The following THNSL1 variants were observed in gnomAD, a reference collection of about 807,000 sequenced individuals.
THNSL1 encodes the protein threonine synthase like 1.
THNSL1 carries 48 observed loss-of-function variants against 50.4 expected under a neutral mutation model. That is an observed-to-expected ratio of 0.95 (90% CI 0.76 to 1.21). THNSL1 has a LOEUF of 1.21. THNSL1 is among the 50% of genes most tolerant of loss of function. The pLI is 0.00. For missense variants in THNSL1, 896 were observed against 871.7 expected, an observed-to-expected ratio of 1.03 and a Z score of -0.35; for synonymous variants, 309 against 306.1, an observed-to-expected ratio of 1.01 and a Z score of -0.10.
the THNSL1 span, chr10:24,982,402 A>G: frequency 2.0e-5 from 3 of 152,268 alleles, no homozygotes; most frequent in Admixed American, 1.3e-4. Context: ...AAATCAAGCT[A>G]AAAAGATCAT....
At position 25,025,745 on chromosome 10, in the gene THNSL1, T is replaced by G. The variant is rs1310728868; in HGVS notation, c.*290T>G. On this transcript the variant is annotated 3_prime_UTR_variant, in exon 3 of 3. Coordinates refer to ENST00000376356, the MANE Select transcript of THNSL1 (RefSeq NM_024838.5). ...TTCCACTCCCACACCCTCACTGTTATGTGGACCAAAATGTCTGGTATACTA... is the reference window on the plus strand; with the variant it reads ...TTCCACTCCCACACCCTCACTGTTAGGTGGACCAAAATGTCTGGTATACTA... 2 of 312,904 alleles carry G rather than the reference T, an allele frequency of 6.4e-6. No homozygotes were observed. Among genetic ancestry groups the G allele is most frequent in the Non-Finnish European group, 1.2e-5 (2 of 160,816 alleles). 19.4% of individuals were successfully genotyped at this position (312,904 alleles called of 1,614,324 possible).
chr10:25,015,750 G>A, upstream of THNSL1: 4 of 1,032,622 alleles, frequency 3.9e-6, no homozygotes, highest in East Asian at 3.1e-5. Flanking sequence ...ACTTCATCGA[G>A]GCAAAAATAC....
chr10:25,003,179 TTA>T, the THNSL1 span, among the ~76,000 whole-genome samples: 4,052 of 118,496 alleles, frequency 0.034, 74 homozygotes, highest in South Asian at 0.085. Context: ...AATTAATTAA[TTA>T]ATTTATTTAT....
In THNSL1 at chr10:25,023,776, T is replaced by C; in HGVS notation, c.553T>C (p.Leu185=). 1.9e-6 allele frequency: 3 copies of C among 1,614,016 alleles called. No homozygotes were observed. Among genetic ancestry groups the C allele is most frequent in the Non-Finnish European group, 2.5e-6 (3 of 1,179,980 alleles). Residue 185 remains leucine, a synonymous_variant, in exon 3 of 3, where the codon TTA becomes CTA. Transcript: ENST00000376356. ...GQNSGTSMKD[L]LKFRRQYYKK... is the part of the protein sequence containing the mutation. Reference sequence around the variant, plus strand: ...GAATTCTGGAACATCTATGAAAGACTTACTTAAATTTAGAAGACAGTATTA... The same window carrying C: ...GAATTCTGGAACATCTATGAAAGACCTACTTAAATTTAGAAGACAGTATTA...
the THNSL1 span, among the ~76,000 whole-genome samples, chr10:24,991,337 T>C: frequency 2.0e-5 from 3 of 152,082 alleles, no homozygotes; most frequent in African/African-American, 4.8e-5. Context: ...AAGTCTCTTT[T>C]TCGTGGTCTC....
the THNSL1 span, among the ~76,000 whole-genome samples, chr10:24,977,386 T>C: frequency 6.6e-6 from 1 of 152,224 alleles, no homozygotes; most frequent in Non-Finnish European, 1.5e-5. Flanking sequence ...GAGTAAATTA[T>C]ACATTTTAGG....
At position 25,025,524 on chromosome 10, in the gene THNSL1, A is replaced by G; in HGVS notation, c.*69A>G. The G allele has an allele frequency of 7.1e-7, 1 of 1,417,698 alleles. No individual in the cohort carries two copies. The highest frequency in any genetic ancestry group is 1.4e-5 in the South Asian group (1 of 71,982). 87.8% of individuals were successfully genotyped at this position (1,417,698 alleles called of 1,614,324 possible). A position where few individuals can be genotyped will look rare whatever the true frequency, so the allele number is the denominator to read the frequency against. ...TAATAAATCTCAAACACTGATTTGGAGTACAGTAGCATTTTGTCTTTTATG... is the reference window on the plus strand; with the variant it reads ...TAATAAATCTCAAACACTGATTTGGGGTACAGTAGCATTTTGTCTTTTATG... On this transcript the variant is annotated 3_prime_UTR_variant, in exon 3 of 3. Coordinates refer to ENST00000376356, the MANE Select transcript of THNSL1 (RefSeq NM_024838.5).
the THNSL1 span, among the ~76,000 whole-genome samples, chr10:24,993,852 C>G: frequency 6.6e-6 from 1 of 152,108 alleles, no homozygotes; most frequent in Non-Finnish European, 1.5e-5. Context: ...AAGGGAGGGG[C>G]AGAGTGTGTG....
chr10:24,957,266 GTTTCTGGCT>G, the THNSL1 span, among the ~76,000 whole-genome samples: 2 of 152,088 alleles, frequency 1.3e-5, no homozygotes, highest in African/African-American at 2.4e-5. Context: ...TTTGCCTTTT[GTTTCTGGCT>G]TTTCTTGCTT....
chr10:24,964,365 A>T, the THNSL1 span, among the ~76,000 whole-genome samples: 2 of 152,204 alleles, frequency 1.3e-5, no homozygotes, highest in South Asian at 4.1e-4. Flanking sequence ...TGAATATGGG[A>T]ATAACGAGAG....
the THNSL1 span, among the ~76,000 whole-genome samples, chr10:24,981,760 G>A: frequency 6.6e-6 from 1 of 152,316 alleles, no homozygotes; most frequent in East Asian, 1.9e-4. Context: ...GCTTAGAAAG[G>A]TTATGTAGCA....
rs761700816 is a variant in THNSL1 at position 25,023,505 on chromosome 10, C to T, written c.282C>T (p.Thr94=). The T allele has an allele frequency of 2.5e-6, 4 of 1,613,840 alleles. No homozygotes were observed. In the African/African-American group the frequency reaches 4.0e-5, roughly 16 times the overall value. The change falls in exon 3 of 3, where the codon ACC becomes ACT. Residue 94 remains threonine (T), a synonymous_variant. Coordinates refer to ENST00000376356, the MANE Select transcript of THNSL1 (RefSeq NM_024838.5). Reference sequence around the variant, plus strand: ...TGGATGATGATATCCTTGAAAAAACCTGGAATATGAGTGTGTCTGAAAAAT... The same window carrying T: ...TGGATGATGATATCCTTGAAAAAACTTGGAATATGAGTGTGTCTGAAAAAT... ...IDVDDDILEK[T]WNMSVSEKLQ... is the part of the protein sequence containing the mutation.
chr10:24,988,694 AT>A, the THNSL1 span, among the ~76,000 whole-genome samples: 2 of 33,954 alleles, frequency 5.9e-5, no homozygotes, highest in African/African-American at 2.9e-4. Flanking sequence ...ATATATATAT[AT>A]ATATATATAT....
the THNSL1 span, among the ~76,000 whole-genome samples, chr10:24,981,813 C>T: frequency 6.6e-6 from 1 of 152,148 alleles, no homozygotes; most frequent in South Asian, 2.1e-4. Flanking sequence ...CAGAGCCTAC[C>T]TGACTTTAGT....
At chr10:25,008,734 G>T in the THNSL1 span, among the ~76,000 whole-genome samples, 7 of 152,284 alleles carry the variant, frequency 4.6e-5, no homozygotes, top group East Asian at 1.4e-3. Context: ...AATACCATTT[G>T]ACCCAGCCAT....
the THNSL1 span, among the ~76,000 whole-genome samples, chr10:24,973,364 G>C: frequency 6.6e-6 from 1 of 151,870 alleles, no homozygotes; most frequent in East Asian, 1.9e-4. Context: ...AGACAGTGTG[G>C]ATCTGCTGAA....
chr10:24,995,919 C>T, the THNSL1 span: 1 of 1,410,648 alleles, frequency 7.1e-7, no homozygotes. Flanking sequence ...AACACTGCTA[C>T]TCAGTGCTAT....
chr10:24,994,221 A>C, the THNSL1 span, among the ~76,000 whole-genome samples: 1 of 148,772 alleles, frequency 6.7e-6, no homozygotes. Context: ...TTTTTTCTTT[A>C]TCTCTCTTCC....
chr10:24,963,708 T>A, the THNSL1 span, among the ~76,000 whole-genome samples: 2 of 152,196 alleles, frequency 1.3e-5, no homozygotes, highest in South Asian at 4.1e-4. Flanking sequence ...TGAAAAATGA[T>A]GTAAAACATC....
Sources: gnomAD v4.1 joint callset for allele counts (sites outside exome capture counted in the v4.1 genomes callset) on GRCh38, gnomAD v4.1.1 for gene constraint, MANE v1.5 for transcripts, NCBI Gene and HGNC (gene_info 2026-07-23, HGNC 2026-07-21) for gene names.